Variants in GTF2IRD1 observed in about 807,000 individuals in gnomAD.
The protein encoded by GTF2IRD1 is general transcription factor II-I repeat domain-containing protein 1.
Under a neutral mutation model 113.2 loss-of-function variants are expected in GTF2IRD1, and 26 were observed. The observed-to-expected ratio is 0.23, with a 90% CI of 0.17 to 0.32. The LOEUF is 0.32. Ranked by LOEUF, GTF2IRD1 falls within the 10% of genes least tolerant of loss-of-function variation. The probability of loss-of-function intolerance (pLI) is 1.00; values close to 1 mark genes in which losing one functional copy is unlikely to be tolerated. For synonymous variants in GTF2IRD1, 484 were observed against 529.1 expected, an observed-to-expected ratio of 0.91 and a Z score of 1.17; for missense variants, 864 against 1,280.8, an observed-to-expected ratio of 0.67 and a Z score of 4.97.
intron 8 of GTF2IRD1, among the ~76,000 whole-genome samples, chr7:74,526,917 C>G (rs1193031611): frequency 6.6e-6 from 1 of 152,126 alleles, no homozygotes; most frequent in Admixed American, 6.6e-5. Flanking sequence ...CAACGCAGAC[C>G]TGGGCCGCTG....
At chr7:74,575,159 A>G (rs999727525) in intron 22 of GTF2IRD1, among the ~76,000 whole-genome samples, 2 of 152,126 alleles carry the variant, frequency 1.3e-5, no homozygotes, top group African/African-American at 2.4e-5. Context: ...GATAAACAGA[A>G]AATCTGCAAA....
intron 1 of GTF2IRD1, among the ~76,000 whole-genome samples, chr7:74,478,891 A>C (rs1266919004): frequency 1.3e-5 from 2 of 150,808 alleles, no homozygotes; most frequent in Middle Eastern, 3.4e-3. Context: ...GACTACAGGC[A>C]CATGCTATCA....
intron 7 of GTF2IRD1, among the ~76,000 whole-genome samples, chr7:74,523,043 T>C (rs1797381361): frequency 6.6e-6 from 1 of 152,142 alleles, no homozygotes; most frequent in Non-Finnish European, 1.5e-5. Context: ...GTACAAGGGT[T>C]AGATTCTCAA....
At chr7:74,488,634 C>T (rs782815737) in intron 1 of GTF2IRD1, among the ~76,000 whole-genome samples, 28 of 149,620 alleles carry the variant, frequency 1.9e-4, no homozygotes, top group Non-Finnish European at 3.1e-4. Context: ...GGCAGGCGCC[C>T]GTAGTCCCAG....
At chr7:74,471,352 C>CA (rs1199519115) in intron 1 of GTF2IRD1, among the ~76,000 whole-genome samples, 1 of 151,500 alleles carries the variant, frequency 6.6e-6, no homozygotes, top group African/African-American at 2.4e-5. Flanking sequence ...CTTAGACAGC[C>CA]AAAAAAATTA....
chr7:74,462,055 T>C (rs1793406785), intron 1 of GTF2IRD1, among the ~76,000 whole-genome samples: 1 of 151,904 alleles, frequency 6.6e-6, no homozygotes, highest in South Asian at 2.1e-4. Context: ...CTAGACAACA[T>C]AGTGAAACCT....
intron 1 of GTF2IRD1, among the ~76,000 whole-genome samples, chr7:74,477,367 A>AT (rs1461309200): frequency 6.6e-6 from 1 of 150,664 alleles, no homozygotes; most frequent in Non-Finnish European, 1.5e-5. Flanking sequence ...TGTGTCCAAA[A>AT]AAAAAAGAGG....
intron 1 of GTF2IRD1, among the ~76,000 whole-genome samples, chr7:74,458,058 A>T (rs1396545796): frequency 6.6e-6 from 1 of 151,574 alleles, no homozygotes; most frequent in African/African-American, 2.4e-5. Flanking sequence ...TTTAGTAGAG[A>T]TGGGGTTTCA....
At chr7:74,457,578 C>G (rs949776263) in intron 1 of GTF2IRD1, among the ~76,000 whole-genome samples, 1 of 152,138 alleles carries the variant, frequency 6.6e-6, no homozygotes, top group Non-Finnish European at 1.5e-5. Flanking sequence ...CCTCTCTCCC[C>G]ACTACCCCAG....
intron 22 of GTF2IRD1, among the ~76,000 whole-genome samples, chr7:74,564,004 G>A (rs587671325): frequency 7.4e-4 from 112 of 152,092 alleles, no homozygotes; most frequent in African/African-American, 2.7e-3. Context: ...GAAAGAGATT[G>A]TGCTTTTTTG....
At chr7:74,471,732 G>A (rs1377233856) in intron 1 of GTF2IRD1, among the ~76,000 whole-genome samples, 5 of 149,942 alleles carry the variant, frequency 3.3e-5, no homozygotes, top group Non-Finnish European at 4.4e-5. Context: ...GGTGGCTGAC[G>A]TCTGTAATCC....
intron 22 of GTF2IRD1, among the ~76,000 whole-genome samples, chr7:74,564,941 TGG>T (rs1800203972): frequency 1.3e-5 from 2 of 151,712 alleles, no homozygotes; most frequent in Non-Finnish European, 2.9e-5. Context: ...CAGAGGGCAG[TGG>T]GTGAATTTCA....
intron 1 of GTF2IRD1, among the ~76,000 whole-genome samples, chr7:74,495,654 G>A (rs1159036242): frequency 6.6e-6 from 1 of 152,178 alleles, no homozygotes; most frequent in Non-Finnish European, 1.5e-5. Context: ...AGGGAAGGAG[G>A]GGCTGAGGGA....
intron 22 of GTF2IRD1, among the ~76,000 whole-genome samples, chr7:74,562,862 G>A (rs1221831420): frequency 4.6e-5 from 7 of 152,148 alleles, no homozygotes; most frequent in East Asian, 1.9e-4. Context: ...GATTACAGGC[G>A]TGAGCCACCG....
At chr7:74,602,205 G>A in intron 26 of GTF2IRD1, 160 bp from the exon 27 acceptor site, 1 of 767,710 alleles carries the variant, frequency 1.3e-6, no homozygotes, top group Non-Finnish European at 1.9e-6. Context: ...TTGCATCACT[G>A]CACTCCAGCC....
At chr7:74,466,657 C>A (rs1562771285) in intron 1 of GTF2IRD1, among the ~76,000 whole-genome samples, 1 of 152,162 alleles carries the variant, frequency 6.6e-6, no homozygotes, top group Non-Finnish European at 1.5e-5. Context: ...TGCAAAGCTT[C>A]CCTGACCTCA....
intron 21 of GTF2IRD1, 138 bp from the exon 22 acceptor site, chr7:74,559,489 G>C: frequency 1.4e-6 from 1 of 708,626 alleles, no homozygotes; most frequent in Non-Finnish European, 2.4e-6. Context: ...GAGCCCCAGG[G>C]CAGCTTGTTA....
intron 1 of GTF2IRD1, among the ~76,000 whole-genome samples, chr7:74,500,554 C>A (rs1365110382): frequency 3.3e-5 from 5 of 152,020 alleles, no homozygotes. Flanking sequence ...GCGGGCCAGG[C>A]CTCTCAGTGT....
At chr7:74,471,701 A>ACC (rs144555416) in intron 1 of GTF2IRD1, among the ~76,000 whole-genome samples, 5 of 134,714 alleles carry the variant, frequency 3.7e-5, no homozygotes, top group Admixed American at 7.8e-5. Context: ...AAAAAAAAAA[A>ACC]CAAAAAAAAC....
Sources: allele counts gnomAD v4.1 joint callset (sites outside exome capture counted in the v4.1 genomes callset), GRCh38; gene constraint gnomAD v4.1.1; transcripts MANE v1.5; gene names NCBI Gene and HGNC (gene_info 2026-07-23, HGNC 2026-07-21).